The following MTM1 variants were observed in gnomAD, a reference collection of about 807,000 sequenced individuals.
MTM1 encodes myotubularin 1.
Under a neutral mutation model 52.1 loss-of-function variants are expected in MTM1, and 9 were observed. The observed-to-expected ratio is 0.17, with a 90% CI of 0.10 to 0.30. The LOEUF is 0.30. Among genes scored for constraint, MTM1 ranks in the 10% least tolerant of loss-of-function variants. The pLI, the probability that MTM1 is intolerant of heterozygous loss-of-function variation, is 1.00. For synonymous variants in MTM1, 136 were observed against 163.8 expected (o/e 0.83, Z 1.29); for missense variants, 277 against 470.7 (o/e 0.59, Z 3.81).
At chrX:150,659,524 G>C in intron 11 of MTM1, 140 bp from the exon 12 acceptor site, 1 of 497,283 alleles carries the variant, frequency 2.0e-6, no homozygotes, top group Non-Finnish European at 3.6e-6. Context: ...TATTGCCATG[G>C]AAGTATATAT....
At chrX:150,644,066 G>A (rs1290167627) in intron 8 of MTM1, among the ~76,000 whole-genome samples, 7 of 110,570 alleles carry the variant, frequency 6.3e-5, no homozygotes, top group Non-Finnish European at 1.1e-4. Context: ...CCTATGGCCC[G>A]ACTGAAATTT....
At chrX:150,615,631 G>A (rs1285726116) in intron 5 of MTM1, among the ~76,000 whole-genome samples, 4 of 111,744 alleles carry the variant, frequency 3.6e-5, no homozygotes, top group African/African-American at 9.8e-5. Context: ...GGGAGCCAGC[G>A]GAAGAGCCAG....
chrX:150,603,069 A>G (rs1557412767), intron 4 of MTM1, among the ~76,000 whole-genome samples: 1 of 112,292 alleles, frequency 8.9e-6, no homozygotes, highest in African/African-American at 3.2e-5. Context: ...AGGAGATGAT[A>G]CTTGAACCAA....
chrX:150,601,076 A>G (rs782101765), intron 4 of MTM1, among the ~76,000 whole-genome samples: 22 of 112,208 alleles, frequency 2.0e-4, no homozygotes, highest in Non-Finnish European at 4.1e-4. Flanking sequence ...AATATTTTTC[A>G]AAAACCCAGA....
At position 150,583,918 on chromosome X, in the gene MTM1, A is replaced by ATATTT. The variant is rs2038727474; in HGVS notation, c.-10-8687_-10-8686insTATTT. Among the ~76,000 whole-genome samples the ATATTT allele has an allele frequency of 1.0e-4, 4 of 39,604 alleles. 1 individual carries two copies. Among genetic ancestry groups the ATATTT allele is most frequent in the Non-Finnish European group, 1.5e-4 (3 of 20,091 alleles). The allele number at this position is 39,604 out of a possible 115,157, so 34.4% of individuals were successfully genotyped here. On this transcript the variant is annotated intron_variant, in intron 1 of 14. Coordinates refer to ENST00000370396, the MANE Select transcript of MTM1 (RefSeq NM_000252.3). ...ATTTGATATATATATATATAATATA[A>ATATTT]AATATATATTAAATTAAAATATATA... is the stretch of plus-strand genomic sequence containing the variant.
chrX:150,576,127 G>C (rs782614226), intron 1 of MTM1, among the ~76,000 whole-genome samples: 1 of 111,867 alleles, frequency 8.9e-6, no homozygotes, highest in South Asian at 3.7e-4. Flanking sequence ...ACTTTCTTTA[G>C]GATTTTTACA....
intron 1 of MTM1, among the ~76,000 whole-genome samples, chrX:150,574,042 G>T (rs2038425537): frequency 9.0e-6 from 1 of 111,574 alleles, no homozygotes; most frequent in Admixed American, 9.5e-5. Flanking sequence ...GGTGTTCCTT[G>T]CCCATGTCAG....
upstream of MTM1, among the ~76,000 whole-genome samples, chrX:150,566,991 G>A (rs2038271106): frequency 2.7e-5 from 3 of 111,704 alleles, no homozygotes; most frequent in African/African-American, 9.8e-5. Flanking sequence ...AGTTGGCAGA[G>A]CAGACGTGTA....
intron 13 of MTM1, among the ~76,000 whole-genome samples, chrX:150,662,890 G>T (rs1425545148): frequency 1.8e-5 from 2 of 111,100 alleles, no homozygotes; most frequent in Admixed American, 1.9e-4. Context: ...AGGCTGAAAA[G>T]CTTAGACTTC....
At chrX:150,611,575 A>G (rs782174336) in intron 4 of MTM1, among the ~76,000 whole-genome samples, 9 of 112,165 alleles carry the variant, frequency 8.0e-5, no homozygotes, top group Admixed American at 2.8e-4. Context: ...GTTCCCCACA[A>G]TAACTATATC....
intron 10 of MTM1, among the ~76,000 whole-genome samples, chrX:150,657,240 T>C (rs782614955): frequency 1.4e-3 from 156 of 111,031 alleles, no homozygotes; most frequent in Non-Finnish European, 2.4e-3. Flanking sequence ...CCATCAATGA[T>C]AGACTGGATT....
chrX:150,590,276 G>C (rs1254637145), intron 1 of MTM1, among the ~76,000 whole-genome samples: 1 of 112,182 alleles, frequency 8.9e-6, no homozygotes, highest in South Asian at 3.7e-4. Flanking sequence ...TGGATTTCTC[G>C]GATGTATACT....
chrX:150,637,424 G>A (rs2039769710), intron 6 of MTM1, among the ~76,000 whole-genome samples: 1 of 111,120 alleles, frequency 9.0e-6, no homozygotes, highest in African/African-American at 3.3e-5. Flanking sequence ...TTCGGTCAGC[G>A]AGCCTGTGTT....
rs1290326271 is a variant in MTM1, at chrX:150,573,697, A to G, written c.-11+5035A>G. On this transcript the variant is annotated intron_variant, in intron 1 of 14. Coordinates refer to ENST00000370396, the MANE Select transcript of MTM1 (RefSeq NM_000252.3). Reference sequence around the variant, plus strand: ...TTAGCATCAGGTGGTGGTGCTTTAAATTCCCTTATATGACTTTTAAATTGC... The same window carrying G: ...TTAGCATCAGGTGGTGGTGCTTTAAGTTCCCTTATATGACTTTTAAATTGC... Among the ~76,000 whole-genome samples, 6 of 111,573 alleles carry G rather than the reference A, an allele frequency of 5.4e-5. No homozygotes were observed. In the Admixed American group the frequency reaches 5.7e-4, roughly 11 times the overall value.
intron 8 of MTM1, among the ~76,000 whole-genome samples, chrX:150,643,056 A>G (rs976989586): frequency 8.9e-6 from 1 of 111,883 alleles, no homozygotes; most frequent in Non-Finnish European, 1.9e-5. Context: ...ATTTACTATT[A>G]GGTACTATTA....
At chrX:150,587,561 TGTGTTAAATTGATG>T (rs1171205005) in intron 1 of MTM1, among the ~76,000 whole-genome samples, 3 of 111,940 alleles carry the variant, frequency 2.7e-5, no homozygotes, top group African/African-American at 9.7e-5. Context: ...AACAAATATA[TGTGTTAAATTGATG>T]GTGTACCTGG....
chrX:150,619,729 CTTT>C (rs1262201385), intron 6 of MTM1, among the ~76,000 whole-genome samples: 2 of 111,790 alleles, frequency 1.8e-5, no homozygotes, highest in Middle Eastern at 4.6e-3. Context: ...GCCTTGCCTC[CTTT>C]TTTACTGCCG....
intron 1 of MTM1, among the ~76,000 whole-genome samples, chrX:150,580,876 C>T (rs1474951411): frequency 8.9e-6 from 1 of 111,926 alleles, no homozygotes; most frequent in Admixed American, 9.5e-5. Context: ...CAAGGTCAAC[C>T]TGCTCTTGCA....
chrX:150,667,803 T>G (rs1349432297), intron 14 of MTM1, among the ~76,000 whole-genome samples: 1 of 112,121 alleles, frequency 8.9e-6, no homozygotes, highest in African/African-American at 3.2e-5. Flanking sequence ...AGTAGAAATG[T>G]GGGCACGGTT....
Sources: gnomAD v4.1 joint callset for allele counts (sites outside exome capture counted in the v4.1 genomes callset) on GRCh38, gnomAD v4.1.1 for gene constraint, MANE v1.5 for transcripts, NCBI Gene and HGNC (gene_info 2026-07-23, HGNC 2026-07-21) for gene names.